IPO9: variants seen among roughly 807,000 people sequenced by gnomAD.
IPO9 encodes the protein importin-9.
IPO9 carries 28 observed loss-of-function variants against 128.6 expected under a neutral mutation model. The observed-to-expected ratio is 0.22, with a 90% confidence interval of 0.16 to 0.30. The LOEUF (loss-of-function observed/expected upper bound fraction) is 0.30. IPO9 is among the 10% of genes least tolerant of loss of function. The pLI is 1.00. For missense variants in IPO9, 935 were observed against 1,293.9 expected, an observed-to-expected ratio of 0.72 and a Z score of 4.26; for synonymous variants, 455 against 475.8, an observed-to-expected ratio of 0.96 and a Z score of 0.57.
chr1:201,858,554 G>C lies in IPO9; in HGVS notation c.1328+1G>C, dbSNP rs779787705. On this transcript the variant is annotated splice_donor_variant, in intron 12 of 23. Coordinates refer to ENST00000361565, the MANE Select transcript of IPO9 (RefSeq NM_018085.5). LOFTEE classifies it high-confidence loss of function. Reference sequence around the variant, plus strand: ...CCAAAAACAGTGGCACTGAGCACTGGTAAGAGTGAGCCGCTAATTGGTTAA... The same window carrying C: ...CCAAAAACAGTGGCACTGAGCACTGCTAAGAGTGAGCCGCTAATTGGTTAA... 2 of 1,521,452 alleles carry C rather than the reference G, an allele frequency of 1.3e-6. No individual in the cohort carries two copies. Among genetic ancestry groups the C allele is most frequent in the Non-Finnish European group, 1.8e-6 (2 of 1,124,446 alleles). The allele number at this position is 1,521,452 out of a possible 1,614,324, so 94.2% of individuals were successfully genotyped here.
At chr1:201,868,627 G>C in intron 15 of IPO9, 21 bp from the exon 16 acceptor site, 1 of 1,605,582 alleles carries the variant, frequency 6.2e-7, no homozygotes, top group African/African-American at 1.3e-5. Flanking sequence ...GGGGGATTCC[G>C]TGTTGCCTTA....
intron 1 of IPO9, among the ~76,000 whole-genome samples, chr1:201,832,266 TTTTGAGACCGAGTCTCAC>T (rs1679849824): frequency 6.7e-6 from 1 of 150,034 alleles, no homozygotes; most frequent in African/African-American, 2.5e-5. Context: ...CTTTTTTTTT[TTTTGAGACCGAGTCTCAC>T]TCTGTGGTCC....
chr1:201,858,312 A>G (rs929806840), intron 11 of IPO9, 135 bp from the exon 12 acceptor site: 2 of 477,566 alleles, frequency 4.2e-6, no homozygotes, highest in Non-Finnish European at 7.7e-6. Context: ...TAACATTTTT[A>G]ATACAATTAG....
chr1:201,852,991 T>A lies in IPO9; in HGVS notation c.604-20T>A. On this transcript the variant is annotated intron_variant, in intron 5 of 23. Coordinates refer to ENST00000361565, the MANE Select transcript of IPO9 (RefSeq NM_018085.5). Reference sequence around the variant, plus strand: ...CTCCAGTCTCGTGGCTATGCTGTTATGCTGTAACCTTTCTTCCAGGTGTAT... The same window carrying A: ...CTCCAGTCTCGTGGCTATGCTGTTAAGCTGTAACCTTTCTTCCAGGTGTAT... 1 of 1,607,168 alleles carries A rather than the reference T, an allele frequency of 6.2e-7. No individual in the cohort carries two copies. Among genetic ancestry groups the A allele is most frequent in the Non-Finnish European group, 8.5e-7 (1 of 1,173,560 alleles).
rs908870945 is a variant in IPO9 at position 201,876,936 on chromosome 1, G to A, written c.*882G>A. 1.3e-5 allele frequency: 2 copies of A among 152,478 alleles called. No homozygotes were observed. Among genetic ancestry groups the A allele is most frequent in the Non-Finnish European group, 2.9e-5 (2 of 68,012 alleles). The allele number at this position is 152,478 out of a possible 1,614,324, so 9.4% of individuals were successfully genotyped here. On this transcript the variant is annotated 3_prime_UTR_variant, in exon 24 of 24. Transcript: ENST00000361565. The stretch of plus-strand genomic sequence containing the variant: ...AAATTTGCAACATGTATTTTTCTAG[G>A]ACAGTAAAGTAATCTTTACAAATGA...
chr1:201,851,013 T>TATTC (rs1300440821), intron 4 of IPO9, among the ~76,000 whole-genome samples: 2 of 151,882 alleles, frequency 1.3e-5, no homozygotes, highest in Non-Finnish European at 2.9e-5. Flanking sequence ...TTTTTAGTTT[T>TATTC]ATTTATTTAT....
chr1:201,852,712 G>C (rs886682391), intron 5 of IPO9, among the ~76,000 whole-genome samples: 1 of 152,114 alleles, frequency 6.6e-6, no homozygotes, highest in Non-Finnish European at 1.5e-5. Context: ...AAATATATTG[G>C]CTGTGTTGGG....
At chr1:201,865,199 CTTTTTTTTTTT>C (rs201084995) in intron 14 of IPO9, among the ~76,000 whole-genome samples, 1 of 132,852 alleles carries the variant, frequency 7.5e-6, no homozygotes, top group Non-Finnish European at 1.6e-5. Context: ...AACTATTTTT[CTTTTTTTTTTT>C]TTTTTTTCTT....
chr1:201,858,505 G>A lies in IPO9; in HGVS notation c.1280G>A (p.Arg427Gln). ...SAAALAAAAT[R>Q]HLQEAEQTKN... is the part of the protein sequence containing the mutation. ...GCAGCCCTGGCTGCTGCAGCCACTCGACATTTACAAGAAGCTGAGCAAACC... is the reference window on the plus strand; with the variant it reads ...GCAGCCCTGGCTGCTGCAGCCACTCAACATTTACAAGAAGCTGAGCAAACC... Residue 427 changes from arginine to glutamine, a missense_variant, in exon 12 of 24, where the codon CGA becomes CAA. Physicochemically the swap from Arg to Gln is conservative, Grantham distance 43 (BLOSUM62 1). Coordinates refer to ENST00000361565, the MANE Select transcript of IPO9 (RefSeq NM_018085.5). The A allele has an allele frequency of 1.9e-6, 3 of 1,595,414 alleles. No homozygotes were observed. The highest frequency in any genetic ancestry group is 2.6e-6 in the Non-Finnish European group (3 of 1,171,344).
At position 201,862,326 on chromosome 1, in the gene IPO9, T is replaced by C. The variant is rs1032316668; in HGVS notation, c.1469-1122T>C. 4.6e-5 allele frequency among the ~76,000 whole-genome samples: 7 copies of C among 151,626 alleles called. No homozygotes were observed. The South Asian group carries it at 1.5e-3, about 32-fold the overall frequency. ...TACAAAAATTAGCCAGGCGTGGTGG[T>C]ACGCACCTGTAATCCCAGCTGCTCG... On this transcript the variant is annotated intron_variant, in intron 13 of 23. Transcript: ENST00000361565.
chr1:201,876,461 T>A lies in IPO9; in HGVS notation c.*407T>A. The A allele has an allele frequency of 2.9e-6, 1 of 346,692 alleles. No homozygotes were observed. The highest frequency in any genetic ancestry group is 5.7e-6 in the Non-Finnish European group (1 of 175,060). 21.5% of individuals were successfully genotyped at this position (346,692 alleles called of 1,614,324 possible). On this transcript the variant is annotated 3_prime_UTR_variant, in exon 24 of 24. Coordinates refer to ENST00000361565, the MANE Select transcript of IPO9 (RefSeq NM_018085.5). ...TCTAAAACAGACCTATCTATGTTCA[T>A]AGGACTTCTGATGTGTTCAGATAGG... is the stretch of plus-strand genomic sequence containing the variant.
At chr1:201,847,160 C>T (rs1558217920) in intron 1 of IPO9, 119 bp from the exon 2 acceptor site, 8 of 755,154 alleles carry the variant, frequency 1.1e-5, no homozygotes, top group Non-Finnish European at 1.8e-5. Flanking sequence ...GTTATCAGCT[C>T]TTTTTGAAAC....
chr1:201,848,892 C>T (rs1305151037), intron 4 of IPO9, among the ~76,000 whole-genome samples: 5 of 152,148 alleles, frequency 3.3e-5, no homozygotes, highest in Non-Finnish European at 5.9e-5. Flanking sequence ...CTTCACTTAC[C>T]TTCTTTGAGC....
intron 1 of IPO9, among the ~76,000 whole-genome samples, chr1:201,840,944 A>G (rs1035425002): frequency 4.6e-5 from 7 of 152,212 alleles, no homozygotes; most frequent in Admixed American, 2.0e-4. Context: ...GAAGTGGGTA[A>G]TGAAAACAAG....
chr1:201,851,518 C>G (rs952453835), intron 4 of IPO9, among the ~76,000 whole-genome samples: 1 of 150,946 alleles, frequency 6.6e-6, no homozygotes, highest in Non-Finnish European at 1.5e-5. Flanking sequence ...CCGTCACCTT[C>G]GAGTCTCATT....
In IPO9 at chr1:201,879,787, C is replaced by T. The variant is rs1046500132; in HGVS notation, c.*3733C>T. On this transcript the variant is annotated 3_prime_UTR_variant, in exon 24 of 24. Coordinates refer to ENST00000361565, the MANE Select transcript of IPO9 (RefSeq NM_018085.5). ...GGTGTGGTGGCTCACACCTGTAATC[C>T]CAACACTTTGGGAGGCCTAGGTGGG... 1.3e-5 allele frequency: 2 copies of T among 152,158 alleles called. No homozygotes were observed. Among genetic ancestry groups the T allele is most frequent in the Non-Finnish European group, 2.9e-5 (2 of 68,060 alleles). The allele number at this position is 152,158 out of a possible 1,614,324, so 9.4% of individuals were successfully genotyped here.
chr1:201,860,896 G>A (rs771467293), intron 13 of IPO9, among the ~76,000 whole-genome samples: 1 of 152,190 alleles, frequency 6.6e-6, no homozygotes, highest in Non-Finnish European at 1.5e-5. Flanking sequence ...GGCCGGGCAT[G>A]GTGGCTTATG....
chr1:201,831,807 C>T (rs1558213981), intron 1 of IPO9, among the ~76,000 whole-genome samples: 1 of 152,200 alleles, frequency 6.6e-6, no homozygotes, highest in Non-Finnish European at 1.5e-5. Flanking sequence ...TTAGAATGCC[C>T]TACAGAGCAA....
At position 201,854,497 on chromosome 1, in the gene IPO9, G is replaced by C. The variant is rs141795353; in HGVS notation, c.691-98G>C. ...TCTGATCAGGCTTGGAGCCTGAAGA[G>C]AGCTTTAGGTGCCTTTCAAATATCA... On this transcript the variant is annotated intron_variant, in intron 6 of 23. Coordinates refer to ENST00000361565, the MANE Select transcript of IPO9 (RefSeq NM_018085.5). 3.6e-4 allele frequency: 530 copies of C among 1,462,500 alleles called. 2 individuals are homozygous for C. In the East Asian group the frequency reaches 9.5e-3, roughly 26 times the overall value. 90.6% of individuals were successfully genotyped at this position (1,462,500 alleles called of 1,614,324 possible).
Sources: gnomAD v4.1 joint callset for allele counts (sites outside exome capture counted in the v4.1 genomes callset) on GRCh38, gnomAD v4.1.1 for gene constraint, MANE v1.5 for transcripts, NCBI Gene and HGNC (gene_info 2026-07-23, HGNC 2026-07-21) for gene names.